The following UBXN2A variants were observed in gnomAD, a reference collection of about 807,000 sequenced individuals.
The protein encoded by UBXN2A is UBX domain-containing protein 2A.
A neutral mutation model predicts 28.4 loss-of-function variants in UBXN2A; 28 were observed. The observed-to-expected ratio is 0.99, with a 90% CI of 0.73 to 1.35. UBXN2A has a LOEUF of 1.35. UBXN2A is among the 40% of genes most tolerant of loss of function. The pLI is 0.00. For synonymous variants in UBXN2A, 97 were observed against 103.6 expected, an observed-to-expected ratio of 0.94 and a Z score of 0.39; for missense variants, 253 against 297.9, an observed-to-expected ratio of 0.85 and a Z score of 1.11.
At chr2:23,981,326 A>T (rs1249042776) in intron 4 of UBXN2A, among the ~76,000 whole-genome samples, 1 of 147,178 alleles carries the variant, frequency 6.8e-6, no homozygotes, top group East Asian at 2.0e-4. Flanking sequence ...AAAAAAACCT[A>T]AAAAAATCAC....
chr2:23,971,169 C>T (rs1449821067), intron 2 of UBXN2A, 107 bp from the exon 3 acceptor site: 22 of 1,249,018 alleles, frequency 1.8e-5, no homozygotes, highest in South Asian at 4.6e-5. Flanking sequence ...GCCTGAACTA[C>T]AGACATGCAC....
chr2:23,928,272 AT>A (rs1275257320), intron 1 of UBXN2A, among the ~76,000 whole-genome samples: 3 of 152,026 alleles, frequency 2.0e-5, no homozygotes, highest in African/African-American at 7.3e-5. Flanking sequence ...TAAAGTAGGA[AT>A]TAGGTTCATT....
At chr2:23,998,967 CA>C (rs1489980254) in intron 6 of UBXN2A, among the ~76,000 whole-genome samples, 2 of 152,112 alleles carry the variant, frequency 1.3e-5, no homozygotes, top group Non-Finnish European at 2.9e-5. Flanking sequence ...TGTTCTTTGA[CA>C]TAAGCTTTAA....
intron 2 of UBXN2A, among the ~76,000 whole-genome samples, chr2:23,963,179 T>G (rs1210062746): frequency 6.6e-6 from 1 of 152,086 alleles, no homozygotes; most frequent in East Asian, 1.9e-4. Flanking sequence ...AGGATGAGAT[T>G]TGGGTGGGGA....
chr2:23,996,433 C>G (rs888590592), intron 6 of UBXN2A, among the ~76,000 whole-genome samples: 3 of 150,554 alleles, frequency 2.0e-5, no homozygotes, highest in Non-Finnish European at 4.4e-5. Flanking sequence ...TATTGTTGTT[C>G]AATTATGCCT....
At chr2:23,961,385 C>T (rs918111956) in intron 2 of UBXN2A, among the ~76,000 whole-genome samples, 2 of 151,810 alleles carry the variant, frequency 1.3e-5, no homozygotes, top group Admixed American at 6.6e-5. Context: ...CGTGAGCCAC[C>T]GTGCCTGGCC....
chr2:23,937,905 C>G (rs971126744), upstream of UBXN2A, among the ~76,000 whole-genome samples: 3 of 152,146 alleles, frequency 2.0e-5, no homozygotes, highest in African/African-American at 7.2e-5. Flanking sequence ...ATGGCATAGC[C>G]TTGCTCCCGG....
At chr2:23,951,259 G>C (rs943335656) in intron 1 of UBXN2A, among the ~76,000 whole-genome samples, 1 of 151,648 alleles carries the variant, frequency 6.6e-6, no homozygotes, top group Non-Finnish European at 1.5e-5. Flanking sequence ...AGATTATAAT[G>C]TCCAAAAGAG....
At chr2:23,972,929 T>C (rs1707479616) in intron 3 of UBXN2A, among the ~76,000 whole-genome samples, 1 of 152,190 alleles carries the variant, frequency 6.6e-6, no homozygotes. Flanking sequence ...ATTTCTACAA[T>C]ATACAGAAGT....
chr2:23,975,224 C>T (rs1000128894), intron 3 of UBXN2A, among the ~76,000 whole-genome samples: 6 of 152,100 alleles, frequency 3.9e-5, no homozygotes, highest in South Asian at 2.1e-4. Context: ...AAGACTTTAA[C>T]GTAACAAGTA....
chr2:23,931,160 A>G (rs1705355632), intron 1 of UBXN2A, among the ~76,000 whole-genome samples: 1 of 151,992 alleles, frequency 6.6e-6, no homozygotes, highest in Non-Finnish European at 1.5e-5. Context: ...TCAAAAAAAA[A>G]AGGGGGGCTG....
intron 6 of UBXN2A, among the ~76,000 whole-genome samples, chr2:23,991,687 G>T (rs965826797): frequency 1.3e-5 from 2 of 152,112 alleles, no homozygotes; most frequent in East Asian, 3.9e-4. Context: ...GGCCAGTCTG[G>T]TCTCGAACTG....
intron 1 of UBXN2A, among the ~76,000 whole-genome samples, chr2:23,928,086 G>A (rs891746613): frequency 3.3e-5 from 5 of 151,348 alleles, no homozygotes; most frequent in African/African-American, 9.7e-5. Flanking sequence ...TGAGGCATGA[G>A]AACCACTTGA....
At chr2:23,997,645 A>G (rs1278053405) in intron 6 of UBXN2A, among the ~76,000 whole-genome samples, 5 of 150,978 alleles carry the variant, frequency 3.3e-5, no homozygotes, top group Non-Finnish European at 7.4e-5. Flanking sequence ...ACGGAATTTC[A>G]CCATGTTGGC....
chr2:23,935,997 A>C (rs1436669889), upstream of UBXN2A, among the ~76,000 whole-genome samples: 2 of 152,176 alleles, frequency 1.3e-5, no homozygotes, highest in African/African-American at 4.8e-5. Context: ...GGTTGCAGTG[A>C]GTCAAGATTG....
In UBXN2A at chr2:23,983,049, G is replaced by T. The variant is rs373379438; in HGVS notation, c.425+16G>T. 13 of 1,583,814 alleles carry T rather than the reference G, an allele frequency of 8.2e-6. No homozygotes were observed. Among genetic ancestry groups the T allele is most frequent in the Non-Finnish European group, 1.0e-5 (12 of 1,165,658 alleles). The stretch of plus-strand genomic sequence containing the variant: ...GACTAGGAAGGTAAATATGCCTATT[G>T]TCTTGTTTTGCATAGATCAAGGCTT... On this transcript the variant is annotated intron_variant, in intron 5 of 6. Coordinates refer to ENST00000309033, the MANE Select transcript of UBXN2A (RefSeq NM_181713.4).
intron 1 of UBXN2A, among the ~76,000 whole-genome samples, chr2:23,957,385 C>T (rs1706678487): frequency 6.6e-6 from 1 of 152,154 alleles, no homozygotes; most frequent in Non-Finnish European, 1.5e-5. Flanking sequence ...ACACTGCAAC[C>T]TCTGCCTCCC....
chr2:23,961,737 G>A (rs1706929983), intron 2 of UBXN2A, among the ~76,000 whole-genome samples: 1 of 150,598 alleles, frequency 6.6e-6, no homozygotes, highest in East Asian at 1.9e-4. Context: ...TAGTAGAGAT[G>A]GGGTTTCACC....
chr2:23,936,247 A>G (rs1442668132), upstream of UBXN2A, among the ~76,000 whole-genome samples: 1 of 152,222 alleles, frequency 6.6e-6, no homozygotes, highest in East Asian at 1.9e-4. Flanking sequence ...ATATATACAT[A>G]CAATGGAATC....
Sources: gnomAD v4.1 joint callset for allele counts (sites outside exome capture counted in the v4.1 genomes callset) on GRCh38, gnomAD v4.1.1 for gene constraint, MANE v1.5 for transcripts, NCBI Gene and HGNC (gene_info 2026-07-23, HGNC 2026-07-21) for gene names.